Variants in PAK5 observed in about 807,000 individuals in gnomAD.
PAK5 encodes the protein p21 (RAC1) activated kinase 5, also known as serine/threonine-protein kinase PAK 5.
In PAK5, 16 loss-of-function variants were observed where a neutral mutation model predicts 65.9. That is an observed-to-expected ratio of 0.24 (90% CI 0.16 to 0.37). The LOEUF is 0.37. PAK5 is among the 10% of genes least tolerant of loss of function. The probability of loss-of-function intolerance (pLI) is 1.00; values close to 1 mark genes in which losing one functional copy is unlikely to be tolerated. For missense variants in PAK5, 785 were observed against 903.9 expected, an observed-to-expected ratio of 0.87 and a Z score of 1.69; for synonymous variants, 371 against 354.9, an observed-to-expected ratio of 1.05 and a Z score of -0.51.
At chr20:9,739,910 A>T (rs2048433005) in intron 1 of PAK5, among the ~76,000 whole-genome samples, 1 of 152,194 alleles carries the variant, frequency 6.6e-6, no homozygotes, top group African/African-American at 2.4e-5. Flanking sequence ...TCGACCCATG[A>T]AAACACAGGT....
chr20:9,677,561 C>T (rs1409660292), intron 2 of PAK5, among the ~76,000 whole-genome samples: 2 of 152,216 alleles, frequency 1.3e-5, no homozygotes, highest in Non-Finnish European at 2.9e-5. Context: ...TTTCCATTTA[C>T]TTGTAGATAA....
intron 7 of PAK5, among the ~76,000 whole-genome samples, chr20:9,551,365 TA>T (rs1440612298): frequency 6.6e-6 from 1 of 152,108 alleles, no homozygotes; most frequent in East Asian, 1.9e-4. Flanking sequence ...GTCCGCCCCC[TA>T]AAAGGAGAAA....
chr20:9,546,396 C>T (rs2045345228), intron 7 of PAK5, among the ~76,000 whole-genome samples: 1 of 152,146 alleles, frequency 6.6e-6, no homozygotes, highest in Admixed American at 6.5e-5. Flanking sequence ...AAAATTTACA[C>T]AGTGTGAAAT....
chr20:9,747,239 C>T (rs181647703), intron 1 of PAK5, among the ~76,000 whole-genome samples: 2 of 152,108 alleles, frequency 1.3e-5, no homozygotes, highest in South Asian at 2.1e-4. Flanking sequence ...GATTCACAGC[C>T]GAATTCTACC....
rs571060559 is a variant in PAK5 at position 9,813,029 on chromosome 20, T to C, written c.-162+25733A>G. 2.6e-5 allele frequency among the ~76,000 whole-genome samples: 4 copies of C among 152,230 alleles called. No homozygotes were observed. The East Asian group carries it at 7.7e-4, about 29-fold the overall frequency. On this transcript the variant is annotated intron_variant, in intron 1 of 9. Transcript: ENST00000353224. ...TATAGCAAACTATATAGTATAACCA[T>C]ACAATGGAATGCCACTCACAAATGA...
chr20:9,642,782 A>T (rs1313908787), intron 3 of PAK5, among the ~76,000 whole-genome samples: 1 of 152,192 alleles, frequency 6.6e-6, no homozygotes, highest in Non-Finnish European at 1.5e-5. Flanking sequence ...TTTGTTCCCA[A>T]AGCTTTATCT....
At chr20:9,602,776 G>T (rs1171091104) in intron 3 of PAK5, among the ~76,000 whole-genome samples, 1 of 152,170 alleles carries the variant, frequency 6.6e-6, no homozygotes, top group Non-Finnish European at 1.5e-5. Context: ...TCCTCTGAGG[G>T]AATAATTAGA....
intron 1 of PAK5, among the ~76,000 whole-genome samples, chr20:9,764,766 A>G (rs1460791508): frequency 6.6e-6 from 1 of 152,214 alleles, no homozygotes; most frequent in African/African-American, 2.4e-5. Context: ...AACTTCGAGT[A>G]CAGTTGTGGT....
intron 2 of PAK5, 139 bp downstream of exon 2, chr20:9,711,147 C>A (rs1002910848): frequency 2.0e-5 from 3 of 152,126 alleles, no homozygotes; most frequent in African/African-American, 7.2e-5. Flanking sequence ...TTTCCAGTGC[C>A]TACAACAGTT....
At chr20:9,645,588 C>CTTTT (rs767530143) in intron 2 of PAK5, among the ~76,000 whole-genome samples, 46 of 144,836 alleles carry the variant, frequency 3.2e-4, no homozygotes, top group African/African-American at 1.1e-3. Context: ...TCCTACACTT[C>CTTTT]TTTTTTTTTT....
chr20:9,686,845 T>A (rs1040536772), intron 2 of PAK5, among the ~76,000 whole-genome samples: 2 of 152,106 alleles, frequency 1.3e-5, no homozygotes, highest in African/African-American at 4.8e-5. Flanking sequence ...GCATCGAGTA[T>A]AAGGAGTTTA....
At chr20:9,743,169 A>G (rs2048468070) in intron 1 of PAK5, among the ~76,000 whole-genome samples, 1 of 151,844 alleles carries the variant, frequency 6.6e-6, no homozygotes, top group South Asian at 2.1e-4. Context: ...GGAGTTTGAG[A>G]CCAGCCTGGG....
intron 1 of PAK5, among the ~76,000 whole-genome samples, chr20:9,774,851 G>A (rs1248244619): frequency 6.6e-6 from 1 of 152,168 alleles, no homozygotes; most frequent in Non-Finnish European, 1.5e-5. Flanking sequence ...AGCTACTCGG[G>A]AGGTTGAGGC....
chr20:9,695,089 T>A (rs572407376), intron 2 of PAK5, among the ~76,000 whole-genome samples: 2 of 152,172 alleles, frequency 1.3e-5, no homozygotes, highest in Admixed American at 1.3e-4. Flanking sequence ...CTGGTGGGTG[T>A]GCAGTGGCAT....
intron 2 of PAK5, among the ~76,000 whole-genome samples, chr20:9,649,386 C>G (rs2047174629): frequency 6.6e-6 from 1 of 152,172 alleles, no homozygotes; most frequent in African/African-American, 2.4e-5. Flanking sequence ...GCAAACACTG[C>G]TTTGATGGAT....
chr20:9,791,923 T>C (rs2049054348), intron 1 of PAK5, among the ~76,000 whole-genome samples: 1 of 152,096 alleles, frequency 6.6e-6, no homozygotes, highest in South Asian at 2.1e-4. Flanking sequence ...CTTTGAGAAC[T>C]AAATCCATGT....
chr20:9,734,212 T>TGAAAACCTG (rs2048364519), intron 1 of PAK5, among the ~76,000 whole-genome samples: 1 of 152,204 alleles, frequency 6.6e-6, no homozygotes, highest in Non-Finnish European at 1.5e-5. Flanking sequence ...TTAGGAAAGT[T>TGAAAACCTG]GAAAACCTGG....
chr20:9,713,458 T>A (rs1030626261), intron 1 of PAK5, among the ~76,000 whole-genome samples: 1 of 151,480 alleles, frequency 6.6e-6, no homozygotes, highest in Non-Finnish European at 1.5e-5. Context: ...AGCATGGAGG[T>A]TTCTCAGAAA....
intron 3 of PAK5, among the ~76,000 whole-genome samples, chr20:9,615,345 G>A (rs571129060): frequency 1.3e-5 from 2 of 152,190 alleles, no homozygotes; most frequent in Non-Finnish European, 2.9e-5. Flanking sequence ...CGTGTCCATG[G>A]AGGTTCTTTG....
Sources: allele counts gnomAD v4.1 joint callset (sites outside exome capture counted in the v4.1 genomes callset), GRCh38; gene constraint gnomAD v4.1.1; transcripts MANE v1.5; gene names NCBI Gene and HGNC (gene_info 2026-07-23, HGNC 2026-07-21).